The following SPINT2 variants were observed in gnomAD, a reference collection of about 807,000 sequenced individuals.
SPINT2 encodes serine peptidase inhibitor, Kunitz type 2, also known as kunitz-type protease inhibitor 2.
SPINT2 carries 18 observed loss-of-function variants against 30.1 expected under a neutral mutation model. The ratio of observed to expected loss-of-function variants is 0.60; its 90% CI spans 0.41 to 0.89. The LOEUF is 0.89. SPINT2 is among the 40% of genes least tolerant of loss of function. SPINT2 has a pLI of 0.00. For missense variants in SPINT2, 276 were observed against 334.3 expected (o/e 0.83, Z 1.36); for synonymous variants, 139 against 137.9 (o/e 1.01, Z -0.05).
At position 38,290,263 on chromosome 19, in the gene SPINT2, G is replaced by T; in HGVS notation, c.536G>T (p.Cys179Phe). 1 of 1,612,068 alleles carries T rather than the reference G, an allele frequency of 6.2e-7. No individual in the cohort carries two copies. The highest frequency in any genetic ancestry group is 1.3e-5 in the African/African-American group (1 of 75,010). ...NKNSYRSEEA[C>F]MLRCFRQQEN... ...AACAGCTACCGCTCTGAGGAGGCCT[G>T]CATGCTCCGCTGCTTCCGTAAGTCT... The change falls in exon 5 of 7, where the codon TGC becomes TTC. Residue 179 changes from cysteine to phenylalanine, a missense_variant. Transcript: ENST00000301244. The surrounding 1 kb of genome is among the most constrained non-coding windows in gnomAD (Gnocchi z 4.3).
rs759923069 is a variant in SPINT2, at chr19:38,290,332, C to T, written c.553+52C>T. On this transcript the variant is annotated intron_variant, in intron 5 of 6. Coordinates refer to ENST00000301244, the MANE Select transcript of SPINT2 (RefSeq NM_021102.4). The surrounding 1 kb of genome is among the most constrained non-coding windows in gnomAD (Gnocchi z 4.3). ...AAGCCCTGCCCTTGAGGACCCCGGT[C>T]CATCTCCCCATCCCTAAAATATGAA... The T allele has an allele frequency of 2.5e-6, 4 of 1,596,020 alleles. No individual in the cohort carries two copies. Among genetic ancestry groups the T allele is most frequent in the Non-Finnish European group, 3.4e-6 (4 of 1,171,970 alleles).
chr19:38,280,996 CTG>C (rs1292303581), intron 1 of SPINT2, among the ~76,000 whole-genome samples: 1 of 152,180 alleles, frequency 6.6e-6, no homozygotes, highest in Non-Finnish European at 1.5e-5. Context: ...GCTGGCGCCT[CTG>C]TAGCTGTTGG....
rs752838636 is a variant in SPINT2 at position 38,290,258 on chromosome 19, G to A, written c.531G>A (p.Glu177=). The A allele has an allele frequency of 4.3e-6, 7 of 1,612,212 alleles. No homozygotes were observed. In the South Asian group the frequency reaches 7.7e-5, roughly 18 times the overall value. The change falls in exon 5 of 7, where the codon GAG becomes GAA. Residue 177 remains glutamate (E), a synonymous_variant. Coordinates refer to ENST00000301244, the MANE Select transcript of SPINT2 (RefSeq NM_021102.4). The surrounding 1 kb of genome is among the most constrained non-coding windows in gnomAD (Gnocchi z 4.3). ...ATAAGAACAGCTACCGCTCTGAGGA[G>A]GCCTGCATGCTCCGCTGCTTCCGTA... ...RGNKNSYRSE[E]ACMLRCFRQQ... is the part of the protein sequence containing the mutation.
At chr19:38,288,534 C>T (rs947843802) in intron 3 of SPINT2, 1 of 201,298 alleles carries the variant, frequency 5.0e-6, no homozygotes, top group Non-Finnish European at 1.0e-5. Flanking sequence ...CAAATGCACC[C>T]TCGGGGCAGA....
chr19:38,271,482 A>G (rs1464485160), intron 1 of SPINT2, among the ~76,000 whole-genome samples: 2 of 147,062 alleles, frequency 1.4e-5, no homozygotes, highest in East Asian at 4.0e-4. Context: ...ACAGAGCAAG[A>G]CTCTCTCAAA....
At position 38,264,608 on chromosome 19, in the gene SPINT2, T is replaced by C. The variant is rs942051155; in HGVS notation, c.-285T>C. 7.0e-4 allele frequency: 281 copies of C among 400,248 alleles called. No individual in the cohort carries two copies. Among genetic ancestry groups the C allele is most frequent in the Non-Finnish European group, 8.3e-4 (182 of 217,974 alleles). The allele number at this position is 400,248 out of a possible 1,614,324, so 24.8% of individuals were successfully genotyped here. ...CTGGCGACCTCCGCGCGTTGGGAGG[T>C]GTAGCGCGGCTCTGAACGCGCTGAG... On this transcript the variant is annotated 5_prime_UTR_variant, in exon 1 of 7. Coordinates refer to ENST00000301244, the MANE Select transcript of SPINT2 (RefSeq NM_021102.4).
chr19:38,268,766 C>CGTGTGTGTGTGTGTGTGTGTGT (rs10526704), intron 1 of SPINT2, among the ~76,000 whole-genome samples: 3 of 149,818 alleles, frequency 2.0e-5, no homozygotes, highest in Non-Finnish European at 4.4e-5. Flanking sequence ...TGCGCGCGCG[C>CGTGTGTGTGTGTGTGTGTGTGT]GTGTGTGTGT....
At chr19:38,278,990 A>C (rs1968549651) in intron 1 of SPINT2, among the ~76,000 whole-genome samples, 2 of 152,114 alleles carry the variant, frequency 1.3e-5, no homozygotes, top group Non-Finnish European at 2.9e-5. Context: ...AGTTTACATC[A>C]TAGATGCTTA....
chr19:38,281,886 C>T (rs1968585335), intron 1 of SPINT2, among the ~76,000 whole-genome samples: 1 of 152,204 alleles, frequency 6.6e-6, no homozygotes. Flanking sequence ...CAAGCAGCCA[C>T]TCATCTACTT....
Position 38,264,963 on chromosome 19 carries a change from G to C in SPINT2, c.71G>C (p.Gly24Ala). 2 of 1,536,164 alleles carry C rather than the reference G, an allele frequency of 1.3e-6. No homozygotes were observed. The highest frequency in any genetic ancestry group is 1.7e-6 in the Non-Finnish European group (2 of 1,145,442). ...CTGCTGGGATCGCTGCTCCTCTCTGGGGTCCTGGCGGCCGACCGAGAACGC... is the reference window on the plus strand; with the variant it reads ...CTGCTGGGATCGCTGCTCCTCTCTGCGGTCCTGGCGGCCGACCGAGAACGC... Reference protein sequence around the residue: ...LALLGSLLLSGVLAADRERSI... With the variant: ...LALLGSLLLSAVLAADRERSI... The change falls in exon 1 of 7, where the codon GGG (glycine) becomes GCG (alanine). Residue 24 changes from glycine to alanine, a missense_variant. Transcript: ENST00000301244.
chr19:38,277,205 T>G (rs891467095), intron 1 of SPINT2, among the ~76,000 whole-genome samples: 1 of 152,226 alleles, frequency 6.6e-6, no homozygotes, highest in Non-Finnish European at 1.5e-5. Flanking sequence ...GCTGCAATTA[T>G]GCATTTTTGG....
chr19:38,269,466 C>G (rs1198323218), intron 1 of SPINT2, among the ~76,000 whole-genome samples: 1 of 139,754 alleles, frequency 7.2e-6, no homozygotes, highest in East Asian at 2.1e-4. Context: ...AGTGCAGTGG[C>G]GCCATCTTGG....
chr19:38,288,251 G>T (rs1333823164), intron 3 of SPINT2, among the ~76,000 whole-genome samples: 1 of 152,040 alleles, frequency 6.6e-6, no homozygotes, highest in East Asian at 1.9e-4. Flanking sequence ...CGGGCCTCCA[G>T]CTGCTCTGCT....
Position 38,285,137 on chromosome 19 carries a change from G to A in SPINT2, c.277+1340G>A, listed in dbSNP as rs368124641. Among the ~76,000 whole-genome samples the A allele has an allele frequency of 9.9e-5, 15 of 152,100 alleles. 1 individual carries two copies. Among genetic ancestry groups the A allele is most frequent in the Admixed American group, 6.6e-4 (10 of 15,242 alleles). On this transcript the variant is annotated intron_variant, in intron 2 of 6. Coordinates refer to ENST00000301244, the MANE Select transcript of SPINT2 (RefSeq NM_021102.4). Reference sequence around the variant, plus strand: ...CATCCTCTTTGCGGCCCTCACCTGCGAGGAGTTCTGTGGAATCAAGGTAAT... The same window carrying A: ...CATCCTCTTTGCGGCCCTCACCTGCAAGGAGTTCTGTGGAATCAAGGTAAT...
intron 1 of SPINT2, 63 bp downstream of exon 1, chr19:38,265,061 G>C: frequency 7.2e-7 from 1 of 1,383,622 alleles, no homozygotes; most frequent in Non-Finnish European, 9.7e-7. Flanking sequence ...GGGTCAACGG[G>C]GGTCTGAGCA....
chr19:38,270,300 G>A (rs1377957328), intron 1 of SPINT2, among the ~76,000 whole-genome samples: 1 of 152,208 alleles, frequency 6.6e-6, no homozygotes, highest in African/African-American at 2.4e-5. Flanking sequence ...CTCCATAGAA[G>A]GAGTGCTTGT....
chr19:38,288,998 G>A, intron 3 of SPINT2, 140 bp from the exon 4 acceptor site: 1 of 775,350 alleles, frequency 1.3e-6, no homozygotes, highest in East Asian at 2.5e-5. Context: ...TGACGTGGCA[G>A]AGCCGGCCAT....
intron 4 of SPINT2, 137 bp downstream of exon 4, chr19:38,289,328 C>T (rs960015456): frequency 8.0e-5 from 58 of 728,488 alleles, no homozygotes; most frequent in South Asian, 6.8e-4. Context: ...ACTAAAAATA[C>T]GAAAAATTAG....
intron 3 of SPINT2, 132 bp downstream of exon 3, chr19:38,288,067 G>T (rs1345757027): frequency 1.9e-6 from 2 of 1,049,200 alleles, no homozygotes; most frequent in Non-Finnish European, 2.9e-6. Flanking sequence ...CAAACCGGGG[G>T]CTCTGCCTGG....
Sources: allele counts gnomAD v4.1 joint callset (sites outside exome capture counted in the v4.1 genomes callset), GRCh38; gene constraint gnomAD v4.1.1; non-coding constraint Gnocchi (gnomAD v3.1); transcripts MANE v1.5; gene names NCBI Gene and HGNC (gene_info 2026-07-23, HGNC 2026-07-21).